The following TMEM38B variants were observed in gnomAD, a reference collection of about 807,000 sequenced individuals.
TMEM38B encodes the protein trimeric intracellular cation channel type B.
In TMEM38B, 24 loss-of-function variants were observed where a neutral mutation model predicts 28.7. The observed-to-expected ratio is 0.84, with a 90% CI of 0.61 to 1.18. The LOEUF (loss-of-function observed/expected upper bound fraction) is 1.18, where lower values mean the gene tolerates loss of function less well. Among genes scored for constraint, TMEM38B ranks in the 50% most tolerant of loss-of-function variants. TMEM38B has a pLI of 0.00. For missense variants in TMEM38B, 380 were observed against 350.9 expected (o/e 1.08, Z -0.66); for synonymous variants, 131 against 127.7 (o/e 1.03, Z -0.17).
At chr9:105,721,278 A>T (rs1208011951) in intron 2 of TMEM38B, among the ~76,000 whole-genome samples, 1 of 152,184 alleles carries the variant, frequency 6.6e-6, no homozygotes, top group African/African-American at 2.4e-5. Flanking sequence ...TAAATATTTC[A>T]TATATCTATA....
At chr9:105,749,109 C>G (rs1837547631) in intron 5 of TMEM38B, 3 of 1,303,220 alleles carry the variant, frequency 2.3e-6, no homozygotes, top group Non-Finnish European at 3.0e-6. Context: ...GGCTGTAATT[C>G]AGGTAACAAA....
chr9:105,715,587 T>G (rs1282927580), intron 2 of TMEM38B, among the ~76,000 whole-genome samples: 1 of 152,150 alleles, frequency 6.6e-6, no homozygotes, highest in African/African-American at 2.4e-5. Flanking sequence ...CTAAAAAAAT[T>G]AACCTGCTTT....
intron 4 of TMEM38B, among the ~76,000 whole-genome samples, chr9:105,742,690 C>G (rs1300006295): frequency 1.3e-5 from 2 of 152,148 alleles, no homozygotes; most frequent in African/African-American, 2.4e-5. Flanking sequence ...TAGACTCAAC[C>G]CTTAAGAGAA....
chr9:105,772,666 T>A (rs993011065), intron 5 of TMEM38B, among the ~76,000 whole-genome samples: 5 of 151,978 alleles, frequency 3.3e-5, no homozygotes, highest in East Asian at 1.9e-4. Context: ...TTAAAAAAAT[T>A]TTTTTTTTAA....
intron 4 of TMEM38B, among the ~76,000 whole-genome samples, chr9:105,744,924 TTTTTATGGCTGCATAG>T (rs1347148287): frequency 5.9e-5 from 9 of 152,226 alleles, no homozygotes; most frequent in Non-Finnish European, 1.3e-4. Flanking sequence ...AACTGATCAT[TTTTTATGGCTGCATAG>T]TATTCCATGG....
At chr9:105,707,810 G>A (rs1306518932) in intron 2 of TMEM38B, among the ~76,000 whole-genome samples, 1 of 152,134 alleles carries the variant, frequency 6.6e-6, no homozygotes, top group Non-Finnish European at 1.5e-5. Context: ...TTCACACTTT[G>A]TAGCCACTAT....
intron 2 of TMEM38B, among the ~76,000 whole-genome samples, chr9:105,720,303 T>C (rs1358036210): frequency 6.6e-6 from 1 of 151,862 alleles, no homozygotes; most frequent in Non-Finnish European, 1.5e-5. Context: ...TTCTGTCATC[T>C]AAGAACTATT....
At chr9:105,742,852 T>C (rs1270517935) in intron 4 of TMEM38B, among the ~76,000 whole-genome samples, 3 of 152,242 alleles carry the variant, frequency 2.0e-5, no homozygotes, top group Admixed American at 6.5e-5. Flanking sequence ...AAATTTTTAA[T>C]TTTGTGTACA....
intron 1 of TMEM38B, among the ~76,000 whole-genome samples, chr9:105,696,423 G>A (rs534873405): frequency 7.2e-5 from 11 of 152,280 alleles, no homozygotes; most frequent in African/African-American, 2.4e-4. Context: ...GGAGTAGCTG[G>A]GAGGCGCCTG....
At chr9:105,700,904 C>T (rs1413549000) in intron 1 of TMEM38B, 1 of 152,004 alleles carries the variant, frequency 6.6e-6, no homozygotes, top group East Asian at 1.9e-4. Context: ...ATGACACTCC[C>T]CAAAGCCCCT....
intron 2 of TMEM38B, among the ~76,000 whole-genome samples, chr9:105,720,321 A>C (rs1836272569): frequency 6.7e-6 from 1 of 148,378 alleles, no homozygotes; most frequent in South Asian, 2.1e-4. Context: ...ATTGTAGTTC[A>C]TTATGAGCAT....
chr9:105,708,700 C>G (rs973006720), intron 2 of TMEM38B, among the ~76,000 whole-genome samples: 5 of 152,114 alleles, frequency 3.3e-5, no homozygotes, highest in Non-Finnish European at 5.9e-5. Flanking sequence ...TTTCTTTCTT[C>G]TCTTTGTAAT....
intron 4 of TMEM38B, among the ~76,000 whole-genome samples, chr9:105,730,959 C>G (rs1039087017): frequency 1.3e-5 from 2 of 151,902 alleles, no homozygotes; most frequent in Non-Finnish European, 2.9e-5. Context: ...TCTCTCTTTT[C>G]TTCTTTATTA....
chr9:105,747,219 G>A (rs1191883821), intron 4 of TMEM38B, among the ~76,000 whole-genome samples: 1 of 152,158 alleles, frequency 6.6e-6, no homozygotes, highest in African/African-American at 2.4e-5. Context: ...ACTTTTTTTG[G>A]TTGGTAAGCT....
At chr9:105,714,297 C>G (rs773514253) in intron 2 of TMEM38B, among the ~76,000 whole-genome samples, 1 of 152,194 alleles carries the variant, frequency 6.6e-6, no homozygotes, top group African/African-American at 2.4e-5. Flanking sequence ...TGCTCTAACA[C>G]TAAACAAAGC....
chr9:105,737,850 G>C (rs1837044303), intron 4 of TMEM38B, among the ~76,000 whole-genome samples: 1 of 152,048 alleles, frequency 6.6e-6, no homozygotes, highest in Admixed American at 6.5e-5. Context: ...TTATTTCTCA[G>C]AAGGTGAAGT....
At chr9:105,749,746 C>A (rs372916400) in intron 5 of TMEM38B, among the ~76,000 whole-genome samples, 41 of 152,180 alleles carry the variant, frequency 2.7e-4, no homozygotes, top group African/African-American at 9.2e-4. Context: ...CAGCTATAGG[C>A]CATTTTATTT....
intron 2 of TMEM38B, among the ~76,000 whole-genome samples, chr9:105,707,057 C>G (rs781753850): frequency 1.3e-5 from 2 of 152,094 alleles, no homozygotes; most frequent in Non-Finnish European, 2.9e-5. Flanking sequence ...AGATTACAGG[C>G]GTGAGCCACC....
At chr9:105,719,174 G>A (rs1836226534) in intron 2 of TMEM38B, among the ~76,000 whole-genome samples, 1 of 152,144 alleles carries the variant, frequency 6.6e-6, no homozygotes, top group Admixed American at 6.5e-5. Context: ...AACTGGTTGA[G>A]ATTTCATTTG....
Sources: allele counts gnomAD v4.1 joint callset (sites outside exome capture counted in the v4.1 genomes callset), GRCh38; gene constraint gnomAD v4.1.1; transcripts MANE v1.5; gene names NCBI Gene and HGNC (gene_info 2026-07-23, HGNC 2026-07-21).